The following EYA1 variants were observed in gnomAD, a reference collection of about 807,000 sequenced individuals.
EYA1 encodes the protein protein phosphatase EYA1.
In EYA1, 16 loss-of-function variants were observed where a neutral mutation model predicts 82.0. The ratio of observed to expected loss-of-function variants is 0.20; its 90% CI spans 0.13 to 0.30. The LOEUF is 0.30. Ranked by LOEUF, EYA1 falls within the 10% of genes least tolerant of loss-of-function variation. The pLI is 1.00. For synonymous variants in EYA1, 261 were observed against 264.4 expected (o/e 0.99, Z 0.12); for missense variants, 633 against 730.7 (o/e 0.87, Z 1.54).
chr8:71,367,958 C>T (rs1406572841), intron 2 of EYA1, among the ~76,000 whole-genome samples: 4 of 152,148 alleles, frequency 2.6e-5, no homozygotes, highest in African/African-American at 7.2e-5. Flanking sequence ...TTTAGATACT[C>T]CTAATTAAGA....
At chr8:71,365,734 C>T (rs1408003353), upstream of EYA1, among the ~76,000 whole-genome samples, 7 of 152,160 alleles carry the variant, frequency 4.6e-5, no homozygotes, top group East Asian at 5.8e-4. Context: ...TGTTGGCATT[C>T]TGAATGGTCA....
chr8:71,470,496 G>A (rs950727754), intron 2 of EYA1, among the ~76,000 whole-genome samples: 9 of 151,830 alleles, frequency 5.9e-5, no homozygotes, highest in South Asian at 4.2e-4. Context: ...AAAAGTAGTC[G>A]AGCTTTTTGC....
chr8:71,493,776 C>A (rs1811192248), intron 2 of EYA1, among the ~76,000 whole-genome samples: 1 of 151,210 alleles, frequency 6.6e-6, no homozygotes, highest in Non-Finnish European at 1.5e-5. Flanking sequence ...GTAATCCCAG[C>A]ACTTTGGGAG....
At chr8:71,369,879 A>T (rs2129088343) in intron 2 of EYA1, among the ~76,000 whole-genome samples, 1 of 152,294 alleles carries the variant, frequency 6.6e-6, no homozygotes, top group South Asian at 2.1e-4. Context: ...CATTATCATT[A>T]TAGGAACATT....
At chr8:71,412,068 T>C (rs1830622270) in intron 2 of EYA1, among the ~76,000 whole-genome samples, 1 of 150,394 alleles carries the variant, frequency 6.6e-6, no homozygotes, top group African/African-American at 2.4e-5. Flanking sequence ...GATGAGTTCA[T>C]GTCCTTTGTA....
chr8:71,343,693 T>A (rs908533932), intron 3 of EYA1, among the ~76,000 whole-genome samples: 1 of 152,194 alleles, frequency 6.6e-6, no homozygotes, highest in Non-Finnish European at 1.5e-5. Flanking sequence ...TTATAAATTA[T>A]CTTGTTTCAA....
At chr8:71,495,908 C>T (rs77043225) in intron 2 of EYA1, among the ~76,000 whole-genome samples, 1 of 152,148 alleles carries the variant, frequency 6.6e-6, no homozygotes, top group East Asian at 1.9e-4. Flanking sequence ...AGCAACAACC[C>T]CACGAGCAGT....
At chr8:71,361,095 T>TA (rs1161357042) in intron 1 of EYA1, among the ~76,000 whole-genome samples, 2 of 152,242 alleles carry the variant, frequency 1.3e-5, no homozygotes, top group Non-Finnish European at 2.9e-5. Flanking sequence ...ATAAGTTTGT[T>TA]TAATATAACG....
At chr8:71,512,809 A>C (rs1222209591) in intron 2 of EYA1, among the ~76,000 whole-genome samples, 1 of 152,146 alleles carries the variant, frequency 6.6e-6, no homozygotes. Flanking sequence ...AAGATTAATA[A>C]AGTTTTCTTA....
chr8:71,375,713 C>T (rs2129094343), intron 2 of EYA1, among the ~76,000 whole-genome samples: 1 of 152,234 alleles, frequency 6.6e-6, no homozygotes, highest in South Asian at 2.1e-4. Flanking sequence ...ACTGCAACTT[C>T]TGCCTCCTGG....
chr8:71,324,522 C>T (rs1237950627), intron 4 of EYA1, among the ~76,000 whole-genome samples: 2 of 151,564 alleles, frequency 1.3e-5, no homozygotes, highest in East Asian at 3.8e-4. Flanking sequence ...CAGATTCCCA[C>T]TAACTTTTAC....
At chr8:71,526,418 T>C (rs990145252) in intron 2 of EYA1, among the ~76,000 whole-genome samples, 4 of 152,186 alleles carry the variant, frequency 2.6e-5, no homozygotes, top group Non-Finnish European at 5.9e-5. Flanking sequence ...TGATCTATCA[T>C]GGTGTAACAG....
At chr8:71,259,067 A>G (rs1274643138) in intron 11 of EYA1, among the ~76,000 whole-genome samples, 3 of 152,190 alleles carry the variant, frequency 2.0e-5, no homozygotes, top group African/African-American at 7.2e-5. Flanking sequence ...GCAGCCAGAC[A>G]CTATTTTACT....
intron 2 of EYA1, among the ~76,000 whole-genome samples, chr8:71,513,207 AC>A (rs1812729015): frequency 1.3e-5 from 2 of 151,986 alleles, no homozygotes; most frequent in South Asian, 4.1e-4. Context: ...AAGAATGGTG[AC>A]AAAATGTAAA....
chr8:71,345,974 T>A lies in EYA1; in HGVS notation c.124+8808A>T, dbSNP rs7838168. Reference sequence around the variant, plus strand: ...ACCCCATCTCTGTGCATGCTCCTCATCTTACACATACACACAAACACACAC... The same window carrying A: ...ACCCCATCTCTGTGCATGCTCCTCAACTTACACATACACACAAACACACAC... On this transcript the variant is annotated intron_variant, in intron 3 of 17. Coordinates refer to ENST00000340726, the MANE Select transcript of EYA1 (RefSeq NM_000503.6). Among the ~76,000 whole-genome samples, 447 of 152,150 alleles carry A rather than the reference T, an allele frequency of 2.9e-3. 3 individuals are homozygous for A. The highest frequency in any genetic ancestry group is 9.6e-3 in the African/African-American group (398 of 41,514).
intron 11 of EYA1, among the ~76,000 whole-genome samples, chr8:71,245,311 C>T (rs1812947990): frequency 6.6e-6 from 1 of 152,122 alleles, no homozygotes; most frequent in Non-Finnish European, 1.5e-5. Flanking sequence ...ACTGCAGCCT[C>T]CATGTCCCAG....
At chr8:71,452,028 A>G (rs1054603148) in intron 2 of EYA1, among the ~76,000 whole-genome samples, 3 of 152,186 alleles carry the variant, frequency 2.0e-5, no homozygotes, top group Non-Finnish European at 2.9e-5. Flanking sequence ...AGCCAAGGGA[A>G]GCTGTGACAG....
chr8:71,401,382 C>T (rs766739162), intron 2 of EYA1, among the ~76,000 whole-genome samples: 15 of 152,190 alleles, frequency 9.9e-5, no homozygotes, highest in Non-Finnish European at 2.9e-5. Flanking sequence ...TTTTCTTTAA[C>T]TTCGGTCTTT....
intron 5 of EYA1, 54 bp downstream of exon 5, chr8:71,322,145 A>G: frequency 6.9e-7 from 1 of 1,449,456 alleles, no homozygotes; most frequent in Non-Finnish European, 9.7e-7. Flanking sequence ...ACTTTAAATA[A>G]ATAAAAGTCT....
Sources: allele counts gnomAD v4.1 joint callset (sites outside exome capture counted in the v4.1 genomes callset), GRCh38; gene constraint gnomAD v4.1.1; transcripts MANE v1.5; gene names NCBI Gene and HGNC (gene_info 2026-07-23, HGNC 2026-07-21).